COG5: variants seen among roughly 807,000 people sequenced by gnomAD.
COG5 encodes the protein component of oligomeric golgi complex 5.
A neutral mutation model predicts 110.4 loss-of-function variants in COG5; 86 were observed. That is an observed-to-expected ratio of 0.78 (90% CI 0.65 to 0.93). The LOEUF is 0.93. COG5 is among the 40% of genes least tolerant of loss of function. The probability of loss-of-function intolerance (pLI) is 0.00; values close to 1 mark genes in which losing one functional copy is unlikely to be tolerated. For synonymous variants in COG5, 360 were observed against 334.6 expected, an observed-to-expected ratio of 1.08 and a Z score of -0.83; for missense variants, 1,077 against 987.0, an observed-to-expected ratio of 1.09 and a Z score of -1.22.
At chr7:107,284,886 A>G (rs1805497521) in intron 12 of COG5, among the ~76,000 whole-genome samples, 1 of 152,144 alleles carries the variant, frequency 6.6e-6, no homozygotes, top group Admixed American at 6.5e-5. Context: ...TTTTATAAAC[A>G]ACAAATTTTC....
At chr7:107,252,150 GTTCA>G (rs1378491066) in intron 16 of COG5, among the ~76,000 whole-genome samples, 1 of 152,104 alleles carries the variant, frequency 6.6e-6, no homozygotes, top group African/African-American at 2.4e-5. Flanking sequence ...GAGCCCAGAA[GTTCA>G]AGGCTGTAGC....
intron 6 of COG5, among the ~76,000 whole-genome samples, chr7:107,515,093 A>T (rs574820960): frequency 4.5e-4 from 68 of 152,320 alleles, no homozygotes; most frequent in African/African-American, 1.4e-3. Flanking sequence ...AAATAAATTA[A>T]ACGAATTATA....
At chr7:107,445,880 C>T (rs186003153) in intron 6 of COG5, among the ~76,000 whole-genome samples, 6 of 152,288 alleles carry the variant, frequency 3.9e-5, no homozygotes, top group East Asian at 3.9e-4. Flanking sequence ...CTTATACCTA[C>T]GGACTTAAGT....
At chr7:107,366,139 T>G (rs1813591313) in intron 8 of COG5, among the ~76,000 whole-genome samples, 1 of 151,992 alleles carries the variant, frequency 6.6e-6, no homozygotes, top group Non-Finnish European at 1.5e-5. Context: ...ACTGGAATAC[T>G]CACTGGAAAA....
intron 6 of COG5, among the ~76,000 whole-genome samples, chr7:107,508,267 G>C (rs1290748806): frequency 6.6e-6 from 1 of 152,174 alleles, no homozygotes; most frequent in Non-Finnish European, 1.5e-5. Flanking sequence ...TATGCCCACA[G>C]AGTCTCGCTG....
chr7:107,532,066 T>A (rs533541891), intron 5 of COG5, among the ~76,000 whole-genome samples: 1 of 152,318 alleles, frequency 6.6e-6, no homozygotes, highest in East Asian at 1.9e-4. Flanking sequence ...ATTACTTTTT[T>A]TCTTTTTTTG....
At chr7:107,518,036 A>C (rs943775546) in intron 6 of COG5, among the ~76,000 whole-genome samples, 2 of 152,160 alleles carry the variant, frequency 1.3e-5, no homozygotes, top group Non-Finnish European at 2.9e-5. Flanking sequence ...CCAGAATTTC[A>C]TATCCAGCCA....
At chr7:107,484,575 TTTCCACAACTATATA>T (rs1482753364) in intron 6 of COG5, among the ~76,000 whole-genome samples, 1 of 152,144 alleles carries the variant, frequency 6.6e-6, no homozygotes, top group African/African-American at 2.4e-5. Flanking sequence ...TTCTCAATGT[TTTCCACAACTATATA>T]TTCCACAACT....
intron 14 of COG5, among the ~76,000 whole-genome samples, chr7:107,261,431 G>C (rs1181476916): frequency 6.6e-6 from 1 of 151,772 alleles, no homozygotes; most frequent in Non-Finnish European, 1.5e-5. Context: ...TTCCTAATAA[G>C]AATATTTTCT....
intron 3 of COG5, among the ~76,000 whole-genome samples, chr7:107,549,545 C>T (rs1802731727): frequency 6.6e-6 from 1 of 150,876 alleles, no homozygotes; most frequent in South Asian, 2.1e-4. Context: ...GCGCCCACCA[C>T]CACGCCCAGC....
At chr7:107,480,778 A>C (rs1169766293) in intron 6 of COG5, 1 of 152,226 alleles carries the variant, frequency 6.6e-6, no homozygotes, top group African/African-American at 2.4e-5. Flanking sequence ...TATTTAGAAC[A>C]AAATGGCATT....
intron 11 of COG5, among the ~76,000 whole-genome samples, chr7:107,301,961 G>T (rs1807305893): frequency 6.6e-6 from 1 of 152,054 alleles, no homozygotes. Flanking sequence ...TACTTATTTT[G>T]CAAAAGAATT....
intron 16 of COG5, among the ~76,000 whole-genome samples, chr7:107,251,756 C>A (rs1218777605): frequency 6.6e-6 from 1 of 151,898 alleles, no homozygotes; most frequent in Non-Finnish European, 1.5e-5. Flanking sequence ...GGAAAATGGT[C>A]TAAAATCAAT....
intron 1 of COG5, among the ~76,000 whole-genome samples, chr7:107,562,272 G>A (rs966490945): frequency 1.3e-5 from 2 of 152,182 alleles, no homozygotes; most frequent in African/African-American, 4.8e-5. Flanking sequence ...CAGAACTGAA[G>A]AGTATTTACC....
In COG5 at chr7:107,290,684, T is replaced by C. The variant is rs1355074105; in HGVS notation, c.1314-6952A>G. On this transcript the variant is annotated intron_variant, in intron 12 of 21. Coordinates refer to ENST00000297135, the MANE Select transcript of COG5 (RefSeq NM_006348.5). ...TTTGAAAGGACAGCTTTACTGGACA[T>C]GGGATTCTTGGCTCATTTTTTTTCC... is the stretch of plus-strand genomic sequence containing the variant. 2.6e-5 allele frequency among the ~76,000 whole-genome samples: 4 copies of C among 152,212 alleles called. No individual in the cohort carries two copies. The South Asian group carries it at 8.3e-4, about 32-fold the overall frequency.
In COG5 at chr7:107,211,678, T is replaced by C. The variant is rs1253251356; in HGVS notation, c.2169-453A>G. On this transcript the variant is annotated intron_variant, in intron 19 of 21. Transcript: ENST00000297135. ...ATGCAAACATTTTCTACACAACTTTTCAAAAAGGCAAATATGTCTTTGTAT... is the reference window on the plus strand; with the variant it reads ...ATGCAAACATTTTCTACACAACTTTCCAAAAAGGCAAATATGTCTTTGTAT... 2.0e-5 allele frequency among the ~76,000 whole-genome samples: 3 copies of C among 152,202 alleles called. No homozygotes were observed. In the East Asian group the frequency reaches 5.8e-4, roughly 29 times the overall value.
intron 19 of COG5, among the ~76,000 whole-genome samples, chr7:107,219,309 C>T (rs566636754): frequency 1.3e-5 from 2 of 152,202 alleles, no homozygotes; most frequent in Non-Finnish European, 2.9e-5. Context: ...AATAGAATTA[C>T]AATATGACTT....
intron 5 of COG5, among the ~76,000 whole-genome samples, chr7:107,531,545 C>A (rs1374584902): frequency 2.7e-5 from 4 of 148,544 alleles, no homozygotes; most frequent in Non-Finnish European, 5.9e-5. Context: ...ATACTGAAAA[C>A]TAAAAATAAA....
chr7:107,223,795 C>T (rs770114436), intron 19 of COG5, among the ~76,000 whole-genome samples: 7 of 152,102 alleles, frequency 4.6e-5, no homozygotes, highest in Admixed American at 6.6e-5. Context: ...AAATGTGACT[C>T]CCAGATTCTC....
Sources: gnomAD v4.1 joint callset for allele counts (sites outside exome capture counted in the v4.1 genomes callset) on GRCh38, gnomAD v4.1.1 for gene constraint, MANE v1.5 for transcripts, NCBI Gene and HGNC (gene_info 2026-07-23, HGNC 2026-07-21) for gene names.